DOCK4: variants seen among roughly 807,000 people sequenced by gnomAD.
DOCK4 encodes dedicator of cytokinesis 4.
DOCK4 carries 97 observed loss-of-function variants against 268.1 expected under a neutral mutation model. The observed-to-expected ratio is 0.36, with a 90% CI of 0.31 to 0.43. The LOEUF is 0.43. Ranked by LOEUF, DOCK4 falls within the 20% of genes least tolerant of loss-of-function variation. The pLI is 1.00. For missense variants in DOCK4, 2,145 were observed against 2,455.7 expected, an observed-to-expected ratio of 0.87 and a Z score of 2.67; for synonymous variants, 954 against 887.2, an observed-to-expected ratio of 1.08 and a Z score of -1.34.
At chr7:111,749,884 C>T (rs1796517330) in intron 42 of DOCK4, among the ~76,000 whole-genome samples, 2 of 152,176 alleles carry the variant, frequency 1.3e-5, no homozygotes, top group African/African-American at 4.8e-5. Flanking sequence ...CCCCTCTAGA[C>T]AGGGTGTAAA....
intron 12 of DOCK4, among the ~76,000 whole-genome samples, chr7:111,930,082 C>G (rs542520006): frequency 6.6e-6 from 1 of 152,280 alleles, no homozygotes; most frequent in African/African-American, 2.4e-5. Context: ...CTAAACCAGG[C>G]TCACATTAAT....
At chr7:112,041,803 C>T (rs1238896423) in intron 1 of DOCK4, among the ~76,000 whole-genome samples, 1 of 152,190 alleles carries the variant, frequency 6.6e-6, no homozygotes, top group Non-Finnish European at 1.5e-5. Context: ...CCCCCACAAC[C>T]CTAAAATTCT....
At chr7:111,918,172 G>A (rs1306092900) in intron 12 of DOCK4, among the ~76,000 whole-genome samples, 1 of 152,164 alleles carries the variant, frequency 6.6e-6, no homozygotes, top group African/African-American at 2.4e-5. Context: ...TAGATGAGGG[G>A]CAATAAACAA....
At chr7:111,791,072 ATATATATAT>A (rs1563509991) in intron 30 of DOCK4, among the ~76,000 whole-genome samples, 7 of 113,340 alleles carry the variant, frequency 6.2e-5, no homozygotes, top group Middle Eastern at 4.5e-3. Context: ...AAAAAAAATT[ATATATATAT>A]ATATATATAT....
chr7:111,831,245 A>G (rs1017113434), intron 26 of DOCK4, among the ~76,000 whole-genome samples: 1 of 152,128 alleles, frequency 6.6e-6, no homozygotes, highest in Admixed American at 6.5e-5. Flanking sequence ...ACCAACACCC[A>G]GCCAATTGTC....
intron 22 of DOCK4, among the ~76,000 whole-genome samples, chr7:111,864,242 G>GC (rs1554618042): frequency 9.0e-6 from 1 of 110,954 alleles, no homozygotes; most frequent in African/African-American, 4.0e-5. Context: ...ATATTTTTAT[G>GC]TAAAAAAAAA....
chr7:112,124,897 G>A (rs753228445), intron 1 of DOCK4, among the ~76,000 whole-genome samples: 4 of 152,058 alleles, frequency 2.6e-5, no homozygotes, highest in African/African-American at 7.3e-5. Context: ...GGCTGTATTT[G>A]AATCTATTCA....
intron 15 of DOCK4, 59 bp from the exon 16 acceptor site, chr7:111,895,777 T>C: frequency 1.3e-6 from 2 of 1,485,538 alleles, no homozygotes; most frequent in East Asian, 2.3e-5. Flanking sequence ...ACATAGTTTG[T>C]CAAGAAGCAT....
chr7:112,072,146 G>A (rs1001101983), intron 1 of DOCK4, among the ~76,000 whole-genome samples: 18 of 151,954 alleles, frequency 1.2e-4, no homozygotes, highest in African/African-American at 3.9e-4. Flanking sequence ...CTTTTCCAAA[G>A]CTCCAATAAA....
chr7:112,000,935 C>A (rs1800373440), intron 2 of DOCK4, among the ~76,000 whole-genome samples: 1 of 152,164 alleles, frequency 6.6e-6, no homozygotes, highest in Non-Finnish European at 1.5e-5. Context: ...AGTCAAGAAT[C>A]TGCACAAGAT....
chr7:111,929,924 C>T (rs770109167), intron 12 of DOCK4, among the ~76,000 whole-genome samples: 25 of 152,142 alleles, frequency 1.6e-4, no homozygotes, highest in African/African-American at 5.8e-4. Context: ...CATACTGAAC[C>T]ATAGCCAATG....
chr7:111,886,953 G>A (rs1189442058), intron 16 of DOCK4, among the ~76,000 whole-genome samples: 1 of 152,052 alleles, frequency 6.6e-6, no homozygotes, highest in African/African-American at 2.4e-5. Flanking sequence ...CTAAAAAAAA[G>A]TACGGGCATA....
rs138894578 is a variant in DOCK4 at position 112,190,842 on chromosome 7, G to A, written c.37+15260C>T. On this transcript the variant is annotated intron_variant, in intron 1 of 52. Transcript: ENST00000428084. ...TACAGCAGTAATTCAGACCAAAGAG[G>A]TACCTATTAAGCACACCAAGGAGCA... Among the ~76,000 whole-genome samples, 627 of 152,160 alleles carry A rather than the reference G, an allele frequency of 4.1e-3. 5 individuals are homozygous for A. The highest frequency in any genetic ancestry group is 0.014 in the African/African-American group (566 of 41,512).
chr7:111,900,948 C>A (rs545251960), intron 14 of DOCK4, among the ~76,000 whole-genome samples: 1 of 152,300 alleles, frequency 6.6e-6, no homozygotes, highest in South Asian at 2.1e-4. Context: ...ATGAAAAATA[C>A]TTCTTCCATA....
rs555913361 is a variant in DOCK4 at position 111,969,869 on chromosome 7, T to G, written c.701+7263A>C. On this transcript the variant is annotated intron_variant, in intron 8 of 52. Coordinates refer to ENST00000428084, the MANE Select transcript of DOCK4 (RefSeq NM_001363540.2). ...CTAAAGGAGACACAGTAGCAAATAA[T>G]GCTAAGTAGTTTGCTTGTATGTAAC... Among the ~76,000 whole-genome samples the G allele has an allele frequency of 1.3e-4, 20 of 152,298 alleles. No homozygotes were observed. The South Asian group carries it at 2.3e-3, about 17-fold the overall frequency.
At chr7:111,901,377 CT>C (rs1791132477) in intron 14 of DOCK4, among the ~76,000 whole-genome samples, 1 of 145,574 alleles carries the variant, frequency 6.9e-6, no homozygotes, top group Admixed American at 6.8e-5. Flanking sequence ...GTAATAGCTG[CT>C]GTAAGAAAAT....
intron 12 of DOCK4, among the ~76,000 whole-genome samples, chr7:111,928,450 T>G (rs1317487325): frequency 6.6e-6 from 1 of 152,178 alleles, no homozygotes; most frequent in East Asian, 1.9e-4. Context: ...CTGCATGAAC[T>G]TTAAAAAATA....
chr7:111,889,871 C>T (rs1056217485), intron 16 of DOCK4, among the ~76,000 whole-genome samples: 2 of 152,136 alleles, frequency 1.3e-5, no homozygotes, highest in South Asian at 2.1e-4. Flanking sequence ...CAATAAACCC[C>T]GCTACAGGAA....
chr7:112,058,369 A>G (rs887374585), intron 1 of DOCK4, among the ~76,000 whole-genome samples: 1 of 152,184 alleles, frequency 6.6e-6, no homozygotes, highest in Non-Finnish European at 1.5e-5. Flanking sequence ...GACATGATGT[A>G]ATATGCTTAA....
Sources: gnomAD v4.1 joint callset for allele counts (sites outside exome capture counted in the v4.1 genomes callset) on GRCh38, gnomAD v4.1.1 for gene constraint, MANE v1.5 for transcripts, NCBI Gene and HGNC (gene_info 2026-07-23, HGNC 2026-07-21) for gene names.